Variants in CSRNP3 observed in about 807,000 individuals in gnomAD.
CSRNP3 encodes cysteine/serine-rich nuclear protein 3.
CSRNP3 carries 12 observed loss-of-function variants against 48.0 expected under a neutral mutation model. The ratio of observed to expected loss-of-function variants is 0.25; its 90% CI spans 0.16 to 0.41. The LOEUF is 0.41. Ranked by LOEUF, CSRNP3 falls within the 10% of genes least tolerant of loss-of-function variation. CSRNP3 has a pLI of 1.00. For synonymous variants in CSRNP3, 263 were observed against 269.7 expected (o/e 0.98, Z 0.24); for missense variants, 580 against 724.4 (o/e 0.80, Z 2.29).
At chr2:165,493,848 A>G (rs886844428) in intron 1 of CSRNP3, among the ~76,000 whole-genome samples, 1 of 152,126 alleles carries the variant, frequency 6.6e-6, no homozygotes, top group African/African-American at 2.4e-5. Flanking sequence ...AGAGAAGACT[A>G]AGATGACTAT....
At chr2:165,621,467 T>C (rs538896408) in intron 4 of CSRNP3, among the ~76,000 whole-genome samples, 1 of 152,010 alleles carries the variant, frequency 6.6e-6, no homozygotes, top group Non-Finnish European at 1.5e-5. Context: ...GTTTTACCGA[T>C]GAGAAAAGGA....
chr2:165,478,518 T>C (rs1574793296), intron 1 of CSRNP3, among the ~76,000 whole-genome samples: 1 of 152,356 alleles, frequency 6.6e-6, no homozygotes, highest in African/African-American at 2.4e-5. Context: ...TTCTTCTCTA[T>C]GAGGAAAATC....
rs893708289 is a variant in CSRNP3, at chr2:165,544,121, G to T, written c.-24+26160G>T. On this transcript the variant is annotated intron_variant, in intron 3 of 6. Transcript: ENST00000651982. ...ATAAAATAAAACTGGAACTAAGTAA[G>T]TGGAATCTGAGGTACAGAGTAGAGG... 3.3e-5 allele frequency among the ~76,000 whole-genome samples: 5 copies of T among 152,072 alleles called. No individual in the cohort carries two copies. In the South Asian group the frequency reaches 8.3e-4, roughly 25 times the overall value.
intron 2 of CSRNP3, among the ~76,000 whole-genome samples, 178 bp downstream of exon 2, chr2:165,495,106 A>C (rs934447945): frequency 2.0e-5 from 3 of 151,980 alleles, no homozygotes; most frequent in Non-Finnish European, 1.5e-5. Flanking sequence ...ACTTCTTCTC[A>C]TTTCTATGGA....
intron 5 of CSRNP3, among the ~76,000 whole-genome samples, chr2:165,668,149 G>A (rs1042216360): frequency 2.6e-5 from 4 of 152,104 alleles, no homozygotes; most frequent in African/African-American, 7.2e-5. Flanking sequence ...CTAGACCACA[G>A]GCTATACAGA....
chr2:165,569,306 C>T (rs1411711704), intron 3 of CSRNP3, among the ~76,000 whole-genome samples: 1 of 151,998 alleles, frequency 6.6e-6, no homozygotes, highest in Admixed American at 6.6e-5. Flanking sequence ...TAATATGGTT[C>T]CAGGAAACAC....
chr2:165,591,432 A>G (rs1415945876), intron 3 of CSRNP3, among the ~76,000 whole-genome samples: 1 of 152,222 alleles, frequency 6.6e-6, no homozygotes, highest in Non-Finnish European at 1.5e-5. Flanking sequence ...AGAAATTTGC[A>G]TAATTAATGA....
chr2:165,660,645 T>G (rs540233292), intron 5 of CSRNP3, among the ~76,000 whole-genome samples: 60 of 152,298 alleles, frequency 3.9e-4, no homozygotes, highest in African/African-American at 1.4e-3. Context: ...TACTATAATT[T>G]GTATCCAGCT....
intron 3 of CSRNP3, among the ~76,000 whole-genome samples, chr2:165,559,367 C>G (rs1685201066): frequency 1.3e-5 from 2 of 152,152 alleles, no homozygotes; most frequent in Non-Finnish European, 2.9e-5. Flanking sequence ...TGGTGTAATA[C>G]TCCTCATAGA....
chr2:165,657,099 A>T (rs1465329014), intron 4 of CSRNP3, among the ~76,000 whole-genome samples: 1 of 152,130 alleles, frequency 6.6e-6, no homozygotes, highest in East Asian at 1.9e-4. Flanking sequence ...CCCATTCCCC[A>T]AGGATTTGAA....
At chr2:165,598,273 G>A (rs907912021) in intron 4 of CSRNP3, among the ~76,000 whole-genome samples, 4 of 152,038 alleles carry the variant, frequency 2.6e-5, no homozygotes, top group African/African-American at 9.7e-5. Flanking sequence ...CAATGTTTGT[G>A]AAATAATGAT....
intron 3 of CSRNP3, among the ~76,000 whole-genome samples, chr2:165,521,886 G>A (rs548311477): frequency 6.6e-6 from 1 of 152,226 alleles, no homozygotes; most frequent in African/African-American, 2.4e-5. Flanking sequence ...AGCCCAGATA[G>A]AGAAGCGTTA....
chr2:165,501,479 A>T (rs1684358626), intron 2 of CSRNP3, among the ~76,000 whole-genome samples: 1 of 152,138 alleles, frequency 6.6e-6, no homozygotes, highest in South Asian at 2.1e-4. Flanking sequence ...GGAATTTATA[A>T]TTACAATTAT....
rs1684265351 is a variant in CSRNP3 at position 165,494,835 on chromosome 2, C to T, written c.-206C>T. ...AAGAAGTCAACGGCTCCTCACCCTGCTCTTCAGTGCAGGAATCAGATGATG... is the reference window on the plus strand; with the variant it reads ...AAGAAGTCAACGGCTCCTCACCCTGTTCTTCAGTGCAGGAATCAGATGATG... On this transcript the variant is annotated 5_prime_UTR_variant, in exon 2 of 7. Transcript: ENST00000651982. 2 of 198,722 alleles carry T rather than the reference C, an allele frequency of 1.0e-5. No individual in the cohort carries two copies. Among genetic ancestry groups the T allele is most frequent in the Admixed American group, 9.7e-5 (2 of 20,612 alleles). 12.3% of individuals were successfully genotyped at this position (198,722 alleles called of 1,614,324 possible).
chr2:165,637,701 T>C (rs865954072), intron 4 of CSRNP3, among the ~76,000 whole-genome samples: 1 of 152,256 alleles, frequency 6.6e-6, no homozygotes, highest in South Asian at 2.1e-4. Context: ...ATGAATGCAT[T>C]AAACAATTTC....
At chr2:165,537,709 G>A (rs1272911750) in intron 3 of CSRNP3, among the ~76,000 whole-genome samples, 12 of 151,682 alleles carry the variant, frequency 7.9e-5, no homozygotes, top group Non-Finnish European at 1.8e-4. Flanking sequence ...TTCTGTAACT[G>A]TGTCCTTTTC....
intron 3 of CSRNP3, among the ~76,000 whole-genome samples, chr2:165,535,852 C>T (rs1324496775): frequency 6.6e-6 from 1 of 151,748 alleles, no homozygotes; most frequent in Non-Finnish European, 1.5e-5. Flanking sequence ...GGGAAGCTGA[C>T]AGTATGATAT....
intron 4 of CSRNP3, among the ~76,000 whole-genome samples, chr2:165,601,617 A>G (rs975646645): frequency 6.6e-6 from 1 of 152,144 alleles, no homozygotes; most frequent in South Asian, 2.1e-4. Context: ...TACTTTACCC[A>G]AGAGCTAAGA....
chr2:165,662,213 T>C (rs1687109900), intron 5 of CSRNP3, among the ~76,000 whole-genome samples: 1 of 88,288 alleles, frequency 1.1e-5, no homozygotes, highest in Non-Finnish European at 2.4e-5. Context: ...GTTTTGATCA[T>C]AAAATTGCTC....
Sources: allele counts gnomAD v4.1 joint callset (sites outside exome capture counted in the v4.1 genomes callset), GRCh38; gene constraint gnomAD v4.1.1; transcripts MANE v1.5; gene names NCBI Gene and HGNC (gene_info 2026-07-23, HGNC 2026-07-21).